The following SIK3 variants were observed in gnomAD, a reference collection of about 807,000 sequenced individuals.
The protein encoded by SIK3 is serine/threonine-protein kinase SIK3.
A neutral mutation model predicts 144.2 loss-of-function variants in SIK3; 28 were observed. The ratio of observed to expected loss-of-function variants is 0.19; its 90% CI spans 0.14 to 0.27. The LOEUF (loss-of-function observed/expected upper bound fraction) is 0.27. Ranked by LOEUF, SIK3 falls within the 10% of genes least tolerant of loss-of-function variation. The pLI, the probability that SIK3 is intolerant of heterozygous loss-of-function variation, is 1.00. For synonymous variants in SIK3, 686 were observed against 676.3 expected, an observed-to-expected ratio of 1.01 and a Z score of -0.22; for missense variants, 1,319 against 1,776.0, an observed-to-expected ratio of 0.74 and a Z score of 4.62.
At chr11:116,880,196 T>C (rs1944473703) in intron 6 of SIK3, among the ~76,000 whole-genome samples, 1 of 151,810 alleles carries the variant, frequency 6.6e-6, no homozygotes, top group Non-Finnish European at 1.5e-5. Context: ...AACAGTACCA[T>C]AATAATTCCT....
chr11:117,068,413 A>G (rs1954113048), intron 1 of SIK3, among the ~76,000 whole-genome samples: 1 of 152,160 alleles, frequency 6.6e-6, no homozygotes, highest in African/African-American at 2.4e-5. Flanking sequence ...TCAACTTTCA[A>G]TGTTGTTTAA....
At chr11:116,993,744 G>A (rs564050116) in intron 1 of SIK3, among the ~76,000 whole-genome samples, 2 of 152,162 alleles carry the variant, frequency 1.3e-5, no homozygotes, top group East Asian at 1.9e-4. Flanking sequence ...AAGAATGAGC[G>A]GAAAAATCAT....
intron 1 of SIK3, among the ~76,000 whole-genome samples, chr11:117,031,495 C>CATTTTATTTTATTTTATTTT (rs57767677): frequency 2.1e-5 from 3 of 146,106 alleles, no homozygotes; most frequent in Non-Finnish European, 4.5e-5. Flanking sequence ...ATGAATACAG[C>CATTTTATTTTATTTTATTTT]ATTTTATTTT....
intron 1 of SIK3, among the ~76,000 whole-genome samples, chr11:117,009,625 C>A (rs1257382385): frequency 6.6e-6 from 1 of 151,928 alleles, no homozygotes; most frequent in Non-Finnish European, 1.5e-5. Context: ...AAAATATAAC[C>A]AATTCATAAA....
At chr11:117,006,665 A>G (rs935726548) in intron 1 of SIK3, among the ~76,000 whole-genome samples, 5 of 152,098 alleles carry the variant, frequency 3.3e-5, no homozygotes, top group Admixed American at 6.6e-5. Context: ...AAGAAAGAAA[A>G]AAAAGATCTT....
intron 2 of SIK3, among the ~76,000 whole-genome samples, chr11:116,956,475 T>G (rs1373450543): frequency 1.3e-5 from 2 of 152,182 alleles, no homozygotes; most frequent in African/African-American, 4.8e-5. Flanking sequence ...AGGTAGGTTT[T>G]GATTGATCCA....
chr11:117,092,873 T>C (rs1008215308), intron 1 of SIK3, among the ~76,000 whole-genome samples: 32 of 152,182 alleles, frequency 2.1e-4, no homozygotes, highest in African/African-American at 7.5e-4. Context: ...CAGAAATAAC[T>C]AGTCTGGGCA....
intron 1 of SIK3, among the ~76,000 whole-genome samples, chr11:117,035,355 C>T (rs1226531685): frequency 2.6e-5 from 4 of 152,060 alleles, no homozygotes; most frequent in African/African-American, 4.8e-5. Context: ...AACAATCACT[C>T]CAAACTAAGT....
intron 1 of SIK3, among the ~76,000 whole-genome samples, chr11:117,007,082 A>G (rs1487502118): frequency 6.6e-6 from 1 of 152,200 alleles, no homozygotes; most frequent in Non-Finnish European, 1.5e-5. Context: ...TTTTATATTG[A>G]AAATAAAAGG....
intron 3 of SIK3, among the ~76,000 whole-genome samples, chr11:116,950,789 CT>C (rs200129757): frequency 0.031 from 4,647 of 152,350 alleles, 92 homozygotes; most frequent in Non-Finnish European, 0.035. Flanking sequence ...GCCCTGCGTT[CT>C]TGGCTGCAGT....
chr11:116,999,991 G>T (rs1031160667), intron 1 of SIK3, among the ~76,000 whole-genome samples: 1 of 151,996 alleles, frequency 6.6e-6, no homozygotes, highest in African/African-American at 2.4e-5. Context: ...TTTCCATTAT[G>T]GCAAGTAAAA....
chr11:116,857,794 G>A lies in SIK3; in HGVS notation c.3655+16C>T. ...GGCAGACTGGCCCAGGACTTCCACTGTGAGGAGACACTTACCTCTGCTGGG... is the reference window on the plus strand; with the variant it reads ...GGCAGACTGGCCCAGGACTTCCACTATGAGGAGACACTTACCTCTGCTGGG... On this transcript the variant is annotated intron_variant, in intron 21 of 24. Coordinates refer to ENST00000445177, the MANE Select transcript of SIK3 (RefSeq NM_001366686.3). 2.5e-6 allele frequency: 4 copies of A among 1,613,220 alleles called. No individual in the cohort carries two copies. The highest frequency in any genetic ancestry group is 3.4e-6 in the Non-Finnish European group (4 of 1,179,448).
Position 116,867,950 on chromosome 11 carries a change from G to A in SIK3, c.1948C>T (p.His650Tyr), listed in dbSNP as rs1943739507. The part of the protein sequence containing the change: ...VWPPHLVPDQ[H>Y]RSTYKDSNTL... ...ACAGCTCATGTGGCTACTCACCGAT[G>A]CTGATCAGGTACCAGGTGAGGAGGC... Residue 650 changes from histidine to tyrosine, a missense_variant, in exon 15 of 25, where the codon CAT (histidine) becomes TAT (tyrosine). This residue lies in a region of SIK3 where 47 missense variants were observed against 40.2 expected (regional missense o/e 1.17). Transcript: ENST00000445177. This position sits in a 1 kb window ranked among gnomAD's most constrained non-coding sequence, Gnocchi z 4.1. 1 of 1,541,338 alleles carries A rather than the reference G, an allele frequency of 6.5e-7. No homozygotes were observed. The highest frequency in any genetic ancestry group is 8.8e-7 in the Non-Finnish European group (1 of 1,141,836).
At chr11:116,954,507 C>G (rs969205600) in intron 2 of SIK3, among the ~76,000 whole-genome samples, 2 of 151,680 alleles carry the variant, frequency 1.3e-5, no homozygotes, top group Admixed American at 1.3e-4. Context: ...AAAAAGAAGC[C>G]TTTGGGGAAA....
At position 117,096,424 on chromosome 11, in the gene SIK3, A is replaced by G. The variant is rs547660220; in HGVS notation, c.273+1719T>C. ...GGAAAGAAATAGCAAAACAAGGAAC[A>G]AGGCATATTGTTTGTAAATGTAAGT... On this transcript the variant is annotated intron_variant, in intron 1 of 24. Coordinates refer to ENST00000445177, the MANE Select transcript of SIK3 (RefSeq NM_001366686.3). Among the ~76,000 whole-genome samples the G allele has an allele frequency of 7.2e-4, 110 of 152,324 alleles. 1 individual carries two copies. The highest frequency in any genetic ancestry group is 2.5e-3 in the African/African-American group (103 of 41,586).
chr11:117,061,512 A>G (rs540357817), intron 1 of SIK3, among the ~76,000 whole-genome samples: 22 of 152,274 alleles, frequency 1.4e-4, no homozygotes, highest in African/African-American at 5.3e-4. Flanking sequence ...ATCATCATGG[A>G]GTTTTAAAGA....
At chr11:116,891,539 C>A (rs879708806) in intron 6 of SIK3, among the ~76,000 whole-genome samples, 1 of 152,018 alleles carries the variant, frequency 6.6e-6, no homozygotes, top group African/African-American at 2.4e-5. Flanking sequence ...CTTATCATAG[C>A]CAAAAATGTT....
At chr11:116,984,790 T>C (rs7125446) in intron 1 of SIK3, among the ~76,000 whole-genome samples, 6,993 of 152,134 alleles carry the variant, frequency 0.046, 539 homozygotes, top group African/African-American at 0.16. Context: ...CATTACGCAA[T>C]TTGTGGTTTC....
chr11:116,934,942 G>A (rs1323433450), intron 3 of SIK3, among the ~76,000 whole-genome samples: 5 of 152,182 alleles, frequency 3.3e-5, no homozygotes, highest in Admixed American at 6.5e-5. Flanking sequence ...AAAATTAGCC[G>A]GGTGTGGTGG....
Sources: gnomAD v4.1 joint callset for allele counts (sites outside exome capture counted in the v4.1 genomes callset) on GRCh38, gnomAD v4.1.1 for gene constraint, gnomAD v4.1.1 regional missense constraint, Gnocchi (gnomAD v3.1) non-coding constraint, MANE v1.5 for transcripts, NCBI Gene and HGNC (gene_info 2026-07-23, HGNC 2026-07-21) for gene names.